Variants in MBNL2 observed in about 807,000 individuals in gnomAD.
MBNL2 encodes the protein muscleblind like splicing regulator 2.
MBNL2 carries 17 observed loss-of-function variants against 41.9 expected under a neutral mutation model. The observed-to-expected ratio is 0.41, with a 90% CI of 0.28 to 0.61. The LOEUF is 0.61. Among genes scored for constraint, MBNL2 ranks in the 20% least tolerant of loss-of-function variants. The probability of loss-of-function intolerance (pLI) is 0.35; values close to 1 mark genes in which losing one functional copy is unlikely to be tolerated. For synonymous variants in MBNL2, 195 were observed against 182.9 expected (o/e 1.07, Z -0.53); for missense variants, 336 against 505.6 (o/e 0.66, Z 3.22).
chr13:97,143,288 A>G, the MBNL2 span, among the ~76,000 whole-genome samples: 1 of 152,222 alleles, frequency 6.6e-6, no homozygotes, highest in Non-Finnish European at 1.5e-5. Context: ...CACTCCCAAT[A>G]TTAGGCCAAC....
At chr13:97,359,577 A>T (rs2063242766) in intron 7 of MBNL2, among the ~76,000 whole-genome samples, 1 of 152,116 alleles carries the variant, frequency 6.6e-6, no homozygotes, top group Non-Finnish European at 1.5e-5. Context: ...CAACGACCTG[A>T]TTTTTGTTGA....
At chr13:97,217,197 AT>A (rs1021821580), upstream of MBNL2, among the ~76,000 whole-genome samples, 1 of 151,408 alleles carries the variant, frequency 6.6e-6, no homozygotes, top group East Asian at 1.9e-4. Context: ...TTCTCTACCA[AT>A]TTTTTTACTT....
At chr13:97,248,091 A>C (rs2045824400) in intron 1 of MBNL2, among the ~76,000 whole-genome samples, 1 of 152,206 alleles carries the variant, frequency 6.6e-6, no homozygotes, top group Admixed American at 6.5e-5. Flanking sequence ...TTCACTTTTC[A>C]TTATATATAC....
chr13:97,187,867 C>A, the MBNL2 span, among the ~76,000 whole-genome samples: 1 of 151,002 alleles, frequency 6.6e-6, no homozygotes, highest in African/African-American at 2.4e-5. Flanking sequence ...TGAGATCGCG[C>A]CACCGCACTC....
chr13:97,377,994 T>A (rs886363897), intron 8 of MBNL2, among the ~76,000 whole-genome samples: 1 of 152,152 alleles, frequency 6.6e-6, no homozygotes, highest in East Asian at 1.9e-4. Flanking sequence ...GACAGATGTT[T>A]ATTAGATGAG....
intron 2 of MBNL2, among the ~76,000 whole-genome samples, chr13:97,287,610 G>A (rs753492621): frequency 5.9e-5 from 9 of 151,980 alleles, no homozygotes; most frequent in African/African-American, 1.7e-4. Context: ...TTATTCCCCC[G>A]ATCTAGCTGT....
At chr13:97,210,640 T>C in the MBNL2 span, among the ~76,000 whole-genome samples, 3 of 125,924 alleles carry the variant, frequency 2.4e-5, no homozygotes, top group Non-Finnish European at 4.7e-5. Flanking sequence ...TTGCCCAGGC[T>C]GGAGTGCAGT....
intron 2 of MBNL2, among the ~76,000 whole-genome samples, chr13:97,332,637 C>T (rs2060524187): frequency 6.6e-6 from 1 of 152,200 alleles, no homozygotes; most frequent in Admixed American, 6.5e-5. Context: ...GATTCGTATA[C>T]TACTTTGATT....
At chr13:97,353,393 A>G (rs543179060) in intron 5 of MBNL2, among the ~76,000 whole-genome samples, 2 of 152,362 alleles carry the variant, frequency 1.3e-5, no homozygotes, top group South Asian at 2.1e-4. Context: ...TACACAGAAG[A>G]AAAACTATTA....
intron 8 of MBNL2, among the ~76,000 whole-genome samples, chr13:97,383,160 A>G (rs1439126356): frequency 6.6e-6 from 1 of 152,224 alleles, no homozygotes; most frequent in Admixed American, 6.5e-5. Flanking sequence ...CCATCTCAGC[A>G]TGAGAGCCAC....
chr13:97,311,168 AAGTGC>A (rs2058577132), intron 2 of MBNL2, among the ~76,000 whole-genome samples: 1 of 152,206 alleles, frequency 6.6e-6, no homozygotes, highest in Non-Finnish European at 1.5e-5. Context: ...TTATTTATGA[AAGTGC>A]AGAACTGTAA....
intron 1 of MBNL2, among the ~76,000 whole-genome samples, chr13:97,263,206 G>A (rs1215118635): frequency 6.6e-6 from 1 of 152,184 alleles, no homozygotes; most frequent in African/African-American, 2.4e-5. Context: ...CACCACTGCA[G>A]TGTAATTTTT....
chr13:97,348,265 G>C lies in MBNL2; in HGVS notation c.804+1198G>C, dbSNP rs550553725. Among the ~76,000 whole-genome samples, 4 of 151,780 alleles carry C rather than the reference G, an allele frequency of 2.6e-5. No homozygotes were observed. The South Asian group carries it at 8.4e-4, about 32-fold the overall frequency. On this transcript the variant is annotated intron_variant, in intron 5 of 8. Transcript: ENST00000679496. Reference sequence around the variant, plus strand: ...TGTAGAGACAGGGTCTCACCATGTTGTCCAGGCTAGTCTCAAAACTCCTGG... The same window carrying C: ...TGTAGAGACAGGGTCTCACCATGTTCTCCAGGCTAGTCTCAAAACTCCTGG...
intron 8 of MBNL2, 121 bp downstream of exon 8, chr13:97,365,292 C>A: frequency 1.3e-6 from 1 of 760,940 alleles, no homozygotes; most frequent in Non-Finnish European, 2.4e-6. Flanking sequence ...GCTTATTTGG[C>A]TTTAGAGTTA....
chr13:97,151,880 T>A, the MBNL2 span, among the ~76,000 whole-genome samples: 2 of 152,102 alleles, frequency 1.3e-5, no homozygotes. Flanking sequence ...AGTTACCCCA[T>A]GAAATGCTCA....
At chr13:97,315,980 T>G (rs2059014763) in intron 2 of MBNL2, among the ~76,000 whole-genome samples, 1 of 152,126 alleles carries the variant, frequency 6.6e-6, no homozygotes, top group Non-Finnish European at 1.5e-5. Flanking sequence ...TGTTCTCAAT[T>G]TCTTTCATAC....
At chr13:97,329,859 A>T (rs1200929960) in intron 2 of MBNL2, among the ~76,000 whole-genome samples, 3 of 151,578 alleles carry the variant, frequency 2.0e-5, no homozygotes, top group East Asian at 1.9e-4. Context: ...TTTGACCACC[A>T]CACACTCCCT....
At chr13:97,291,621 G>A (rs11616443) in intron 2 of MBNL2, among the ~76,000 whole-genome samples, 3 of 152,114 alleles carry the variant, frequency 2.0e-5, no homozygotes, top group Admixed American at 6.5e-5. Flanking sequence ...TGGGTCGGGC[G>A]CGGTGGCTCA....
Position 97,341,336 on chromosome 13 carries a change from C to A in MBNL2, c.340-1680C>A, listed in dbSNP as rs368371784. Among the ~76,000 whole-genome samples the A allele has an allele frequency of 4.6e-5, 7 of 152,274 alleles. No homozygotes were observed. In the East Asian group the frequency reaches 1.2e-3, roughly 25 times the overall value. On this transcript the variant is annotated intron_variant, in intron 3 of 8. Coordinates refer to ENST00000679496, the MANE Select transcript of MBNL2 (RefSeq NM_001382683.1). ...ATCACTGATGTGCTGTGATTTATGA[C>A]CTTTCAGAATTGATTCTTTTTAAAA... is the stretch of plus-strand genomic sequence containing the variant.
Sources: gnomAD v4.1 joint callset for allele counts (sites outside exome capture counted in the v4.1 genomes callset) on GRCh38, gnomAD v4.1.1 for gene constraint, MANE v1.5 for transcripts, NCBI Gene and HGNC (gene_info 2026-07-23, HGNC 2026-07-21) for gene names.